Variants in NUBP2 observed in about 807,000 individuals in gnomAD.
The protein encoded by NUBP2 is cytosolic Fe-S cluster assembly factor NUBP2.
NUBP2 carries 23 observed loss-of-function variants against 24.9 expected under a neutral mutation model. That is an observed-to-expected ratio of 0.92 (90% CI 0.66 to 1.31). NUBP2 has a LOEUF of 1.31. Ranked by LOEUF, NUBP2 falls within the 50% of genes most tolerant of loss-of-function variation. NUBP2 has a pLI of 0.00. For synonymous variants in NUBP2, 186 were observed against 170.9 expected (o/e 1.09, Z -0.69); for missense variants, 403 against 386.5 (o/e 1.04, Z -0.36).
chr16:1,787,023 G>A (rs553430418), intron 3 of NUBP2, 68 bp downstream of exon 3: 29 of 1,389,514 alleles, frequency 2.1e-5, no homozygotes, highest in African/African-American at 2.0e-4. Context: ...CCTCTCCTGT[G>A]GAAATGTTCC....
chr16:1,786,841 C>G lies in NUBP2; in HGVS notation c.220C>G (p.Arg74Gly). Residue 74 changes from arginine (R) to glycine (G), a missense_variant, in exon 3 of 7, where the codon CGC becomes GGC. Transcript: ENST00000262302. ...GGGCAGGGCTGTGCACCAGTGCGAC[C>G]GCGGCTGGGCACCCGTCTTCCTGGA... is the stretch of plus-strand genomic sequence containing the variant. ...AQGRAVHQCD[R>G]GWAPVFLDRE... is the part of the protein sequence containing the mutation. 5 of 1,596,978 alleles carry G rather than the reference C, an allele frequency of 3.1e-6. No homozygotes were observed. Among genetic ancestry groups the G allele is most frequent in the Non-Finnish European group, 4.3e-6 (5 of 1,168,372 alleles).
At position 1,787,709 on chromosome 16, in the gene NUBP2, T is replaced by C. The variant is rs1897044850; in HGVS notation, c.367T>C (p.Trp123Arg). The change falls in exon 4 of 7, where the codon TGG (tryptophan) becomes CGG (arginine). Residue 123 changes from tryptophan to arginine, a missense_variant. By Grantham distance (101) the Trp-to-Arg change is moderately radical (BLOSUM62 -3). Coordinates refer to ENST00000262302, the MANE Select transcript of NUBP2 (RefSeq NM_012225.4). ...LIKQFVSDVA[W>R]GELDYLVVDT... ...AAAGCAGTTTGTGTCCGACGTGGCC[T>C]GGGGGGAGCTGGACTACCTGGTGGT... is the stretch of plus-strand genomic sequence containing the variant. The C allele has an allele frequency of 2.5e-6, 4 of 1,612,468 alleles. No individual in the cohort carries two copies. Among genetic ancestry groups the C allele is most frequent in the African/African-American group, 2.7e-5 (2 of 74,900 alleles).
intron 1 of NUBP2, chr16:1,783,262 T>G (rs1260326373): frequency 8.6e-6 from 10 of 1,158,606 alleles, no homozygotes; most frequent in African/African-American, 3.2e-5. Context: ...AGGGCCTGAG[T>G]CGTGGAGTTG....
chr16:1,786,403 C>A (rs534461595), intron 1 of NUBP2, 134 bp from the exon 2 acceptor site: 1 of 801,358 alleles, frequency 1.2e-6, no homozygotes, highest in Admixed American at 2.3e-5. Flanking sequence ...AAGTGGGGCA[C>A]GGGCTGCCTC....
chr16:1,785,049 C>G, intron 1 of NUBP2: 1 of 981,394 alleles, frequency 1.0e-6, no homozygotes, highest in Non-Finnish European at 1.2e-6. Flanking sequence ...GAGACCCCCT[C>G]TCAAAATAAA....
intron 1 of NUBP2, chr16:1,785,148 C>T (rs1243130156): frequency 1.9e-5 from 19 of 994,842 alleles, no homozygotes; most frequent in Non-Finnish European, 2.3e-5. Context: ...ACTCATTGTC[C>T]ATGGAGAGCG....
At chr16:1,784,072 G>A in intron 1 of NUBP2, 5 of 968,174 alleles carry the variant, frequency 5.2e-6, no homozygotes, top group Non-Finnish European at 6.1e-6. Flanking sequence ...ACAAAGTAAG[G>A]ATATTACTGA....
At chr16:1,785,319 G>T in intron 1 of NUBP2, 1 of 1,083,236 alleles carries the variant, frequency 9.2e-7, no homozygotes, top group African/African-American at 1.7e-5. Context: ...AACCCTCAGG[G>T]TTGTTGTCCC....
In NUBP2 at chr16:1,788,195, G is replaced by A; in HGVS notation, c.658G>A (p.Val220Met). 6.7e-7 allele frequency: 1 copy of A among 1,500,928 alleles called. No individual in the cohort carries two copies. The highest frequency in any genetic ancestry group is 8.9e-7 in the Non-Finnish European group (1 of 1,127,978). The allele number at this position is 1,500,928 out of a possible 1,614,324, so 93.0% of individuals were successfully genotyped here. A position where few individuals can be genotyped will look rare whatever the true frequency, so the allele number is the denominator to read the frequency against. ...AGAGGAGCTGGCCCAGCTCGCCGGG[G>A]TGCCCTTCTTAGGTGAGTGTCCCAA... ...GGEELAQLAG[V>M]PFLGSVPLDP... Residue 220 changes from valine to methionine, a missense_variant, in exon 6 of 7, where the codon GTG becomes ATG. Transcript: ENST00000262302.
chr16:1,787,361 G>T, intron 3 of NUBP2: 1 of 469,908 alleles, frequency 2.1e-6, no homozygotes, highest in Non-Finnish European at 3.8e-6. Context: ...CACGGAGAAT[G>T]TGGGTGCTCC....
intron 1 of NUBP2, chr16:1,784,162 C>T (rs1011854009): frequency 2.2e-6 from 1 of 450,712 alleles, no homozygotes; most frequent in South Asian, 9.4e-5. Flanking sequence ...ACGATCATAA[C>T]TCACTGCAGC....
At chr16:1,786,151 T>A (rs1596871755) in intron 1 of NUBP2, 2 of 240,718 alleles carry the variant, frequency 8.3e-6, no homozygotes, top group African/African-American at 9.3e-5. Flanking sequence ...GGGGAAAGAG[T>A]GGAGTCTGGT....
intron 1 of NUBP2, chr16:1,783,447 C>G: frequency 1.0e-6 from 1 of 1,004,774 alleles, no homozygotes. Context: ...AGACGGACGC[C>G]AGAATCTCAC....
intron 1 of NUBP2, chr16:1,783,570 G>A: frequency 1.1e-6 from 1 of 913,402 alleles, no homozygotes; most frequent in Non-Finnish European, 1.3e-6. Flanking sequence ...CAGCGCCGTG[G>A]GCCCTCCTGA....
Position 1,789,000 on chromosome 16 carries a change from G to C in NUBP2, c.*286G>C. ...CTACCTGTGCCCCTGGCAGCCGCGT[G>C]TCCACACAGTTAGCGGAGCGCGGGA... On this transcript the variant is annotated 3_prime_UTR_variant, in exon 7 of 7. Transcript: ENST00000262302. 1 of 434,544 alleles carries C rather than the reference G, an allele frequency of 2.3e-6. No individual in the cohort carries two copies. The highest frequency in any genetic ancestry group is 3.4e-5 in the South Asian group (1 of 29,064). The allele number at this position is 434,544 out of a possible 1,614,324, so 26.9% of individuals were successfully genotyped here. A position where few individuals can be genotyped will look rare whatever the true frequency, so the allele number is the denominator to read the frequency against.
At chr16:1,786,516 C>T (rs1896974138) in intron 1 of NUBP2, 21 bp from the exon 2 acceptor site, 1 of 1,574,488 alleles carries the variant, frequency 6.4e-7, no homozygotes. Flanking sequence ...CCCTGACCTT[C>T]TCTGTCGTGT....
chr16:1,786,245 T>G, intron 1 of NUBP2: 1 of 456,598 alleles, frequency 2.2e-6, no homozygotes, highest in East Asian at 3.8e-5. Flanking sequence ...AAGGAACGCA[T>G]GCACCCTTCC....
chr16:1,783,574 C>T (rs1896822863), intron 1 of NUBP2: 1 of 882,090 alleles, frequency 1.1e-6, no homozygotes, highest in Non-Finnish European at 1.4e-6. Flanking sequence ...GCCGTGGGCC[C>T]TCCTGAGTAG....
chr16:1,784,090 A>G (rs917592554), intron 1 of NUBP2: 3 of 924,650 alleles, frequency 3.2e-6, no homozygotes, highest in African/African-American at 1.8e-5. Context: ...TGAGATTGAT[A>G]GAAGCTTTTT....
Sources: allele counts gnomAD v4.1 joint callset, GRCh38; gene constraint gnomAD v4.1.1; transcripts MANE v1.5; gene names NCBI Gene and HGNC (gene_info 2026-07-23, HGNC 2026-07-21).